CADM2: variants seen among roughly 807,000 people sequenced by gnomAD.
CADM2 encodes the protein cell adhesion molecule 2.
In CADM2, 12 loss-of-function variants were observed where a neutral mutation model predicts 49.8. The ratio of observed to expected loss-of-function variants is 0.24; its 90% CI spans 0.15 to 0.39. The LOEUF (loss-of-function observed/expected upper bound fraction) is 0.39, where lower values mean the gene tolerates loss of function less well. Ranked by LOEUF, CADM2 falls within the 10% of genes least tolerant of loss-of-function variation. The probability of loss-of-function intolerance (pLI) is 1.00; values close to 1 mark genes in which losing one functional copy is unlikely to be tolerated. For synonymous variants in CADM2, 214 were observed against 175.4 expected (o/e 1.22, Z -1.74); for missense variants, 378 against 492.3 (o/e 0.77, Z 2.20).
At chr3:85,554,903 A>G (rs2061918818) in intron 1 of CADM2, among the ~76,000 whole-genome samples, 1 of 145,488 alleles carries the variant, frequency 6.9e-6, no homozygotes, top group African/African-American at 2.6e-5. Context: ...TTTTGTGCAG[A>G]CTGTGTCTCA....
intron 1 of CADM2, among the ~76,000 whole-genome samples, chr3:85,656,284 A>T (rs1220074072): frequency 6.6e-6 from 1 of 152,192 alleles, no homozygotes; most frequent in African/African-American, 2.4e-5. Flanking sequence ...ATTTATCTAG[A>T]AATTATTATA....
chr3:86,055,781 T>C (rs1441022950), intron 8 of CADM2, among the ~76,000 whole-genome samples: 8 of 152,130 alleles, frequency 5.3e-5, no homozygotes, highest in Admixed American at 2.0e-4. Context: ...ATTCAGACCT[T>C]AGCAGATTCA....
At chr3:85,280,752 A>G (rs1306728562) in intron 1 of CADM2, among the ~76,000 whole-genome samples, 1 of 151,784 alleles carries the variant, frequency 6.6e-6, no homozygotes, top group Admixed American at 6.6e-5. Flanking sequence ...AGCAGATGCT[A>G]TAGGAGAAAT....
At chr3:85,596,760 A>G (rs2063253395) in intron 1 of CADM2, among the ~76,000 whole-genome samples, 1 of 152,104 alleles carries the variant, frequency 6.6e-6, no homozygotes, top group Non-Finnish European at 1.5e-5. Context: ...TCTGTTGCCC[A>G]TGCTGGAGTG....
chr3:85,501,448 T>A (rs2040111734), intron 1 of CADM2, among the ~76,000 whole-genome samples: 1 of 152,122 alleles, frequency 6.6e-6, no homozygotes, highest in South Asian at 2.1e-4. Flanking sequence ...AAGCCTTCCT[T>A]GAGATGAAAT....
At chr3:85,175,960 G>T (rs958443953) in intron 1 of CADM2, among the ~76,000 whole-genome samples, 1 of 115,030 alleles carries the variant, frequency 8.7e-6, no homozygotes, top group Non-Finnish European at 1.6e-5. Flanking sequence ...ACGGAGTCTC[G>T]CTCTGTCGCC....
intron 1 of CADM2, among the ~76,000 whole-genome samples, chr3:85,408,199 C>T (rs2035491117): frequency 6.6e-6 from 1 of 152,002 alleles, no homozygotes; most frequent in Non-Finnish European, 1.5e-5. Flanking sequence ...GCAATATTTT[C>T]TTCCAGATGA....
At chr3:85,653,850 A>G (rs946284015) in intron 1 of CADM2, among the ~76,000 whole-genome samples, 5 of 152,240 alleles carry the variant, frequency 3.3e-5, no homozygotes, top group Admixed American at 3.3e-4. Context: ...AGGTCAAGAG[A>G]GACATTTGTT....
intron 1 of CADM2, among the ~76,000 whole-genome samples, chr3:85,240,834 T>A (rs1348341777): frequency 2.6e-5 from 4 of 151,558 alleles, no homozygotes; most frequent in Non-Finnish European, 5.9e-5. Flanking sequence ...TTTCTTTAAC[T>A]TTTTAAATTT....
chr3:85,758,685 A>C (rs2069232675), intron 2 of CADM2, among the ~76,000 whole-genome samples: 1 of 152,156 alleles, frequency 6.6e-6, no homozygotes, highest in Non-Finnish European at 1.5e-5. Context: ...AATATTACTA[A>C]ATATGACTGG....
intron 1 of CADM2, among the ~76,000 whole-genome samples, chr3:85,253,577 C>T (rs1462361312): frequency 6.6e-6 from 1 of 152,056 alleles, no homozygotes; most frequent in East Asian, 1.9e-4. Context: ...TGCATTTTCT[C>T]TTTGTTGAAC....
chr3:85,970,048 A>T (rs2108638589), intron 8 of CADM2, among the ~76,000 whole-genome samples: 1 of 150,240 alleles, frequency 6.7e-6, no homozygotes, highest in East Asian at 2.0e-4. Context: ...TCAGGGAAAT[A>T]ATTGATATTC....
intron 1 of CADM2, among the ~76,000 whole-genome samples, chr3:84,971,741 T>G (rs571537234): frequency 3.7e-4 from 56 of 152,226 alleles, no homozygotes; most frequent in Admixed American, 1.2e-3. Flanking sequence ...TTGATGGGTA[T>G]GGACAGACTG....
At chr3:85,677,818 G>C (rs1171562089) in intron 1 of CADM2, among the ~76,000 whole-genome samples, 1 of 152,142 alleles carries the variant, frequency 6.6e-6, no homozygotes, top group East Asian at 1.9e-4. Context: ...CTCATCACTA[G>C]AGATAGACAA....
At chr3:85,015,024 A>G (rs1342356717) in intron 1 of CADM2, among the ~76,000 whole-genome samples, 1 of 152,130 alleles carries the variant, frequency 6.6e-6, no homozygotes, top group Non-Finnish European at 1.5e-5. Context: ...TGGTTTTTGA[A>G]AATCCAAAAC....
At chr3:85,507,621 G>T (rs781368420) in intron 1 of CADM2, among the ~76,000 whole-genome samples, 4 of 152,138 alleles carry the variant, frequency 2.6e-5, no homozygotes, top group Non-Finnish European at 5.9e-5. Context: ...ATTTCTTCAA[G>T]GAATATAATC....
chr3:85,799,663 T>C (rs2071872041), intron 2 of CADM2, among the ~76,000 whole-genome samples: 1 of 152,128 alleles, frequency 6.6e-6, no homozygotes. Context: ...GCTGCTGGAT[T>C]TTGCTGGTGG....
intron 1 of CADM2, among the ~76,000 whole-genome samples, chr3:85,325,393 T>C (rs985633506): frequency 6.6e-6 from 1 of 152,176 alleles, no homozygotes; most frequent in Admixed American, 6.5e-5. Context: ...TTGTGGCTTT[T>C]GAATATCAGT....
At chr3:85,971,972 G>A (rs1199964834) in intron 8 of CADM2, among the ~76,000 whole-genome samples, 1 of 151,496 alleles carries the variant, frequency 6.6e-6, no homozygotes, top group East Asian at 2.0e-4. Context: ...CTATCAGAGG[G>A]ATGAAAAGGG....
Sources: allele counts gnomAD v4.1 joint callset (sites outside exome capture counted in the v4.1 genomes callset), GRCh38; gene constraint gnomAD v4.1.1; transcripts MANE v1.5; gene names NCBI Gene and HGNC (gene_info 2026-07-23, HGNC 2026-07-21).